The following TTC28 variants were observed in gnomAD, a reference collection of about 807,000 sequenced individuals.
TTC28 encodes the protein tetratricopeptide repeat domain 28.
A neutral mutation model predicts 198.0 loss-of-function variants in TTC28; 61 were observed. The observed-to-expected ratio is 0.31, with a 90% confidence interval of 0.25 to 0.38. The LOEUF is 0.38. Among genes scored for constraint, TTC28 ranks in the 10% least tolerant of loss-of-function variants. TTC28 has a pLI of 1.00. For missense variants in TTC28, 2,678 were observed against 3,164.0 expected (o/e 0.85, Z 3.69); for synonymous variants, 1,171 against 1,297.8 (o/e 0.90, Z 2.10).
At chr22:28,068,813 A>T (rs1381998214) in intron 12 of TTC28, among the ~76,000 whole-genome samples, 2 of 152,170 alleles carry the variant, frequency 1.3e-5, no homozygotes, top group East Asian at 1.9e-4. Flanking sequence ...GTAATGAAGG[A>T]TTTATTTTTT....
chr22:28,570,434 ATTCT>A (rs2050042265), intron 2 of TTC28, among the ~76,000 whole-genome samples: 3 of 152,230 alleles, frequency 2.0e-5, no homozygotes, highest in Non-Finnish European at 2.9e-5. Flanking sequence ...GGAGGCCATC[ATTCT>A]AAGCAGGAAC....
At chr22:28,644,174 C>A (rs573927787) in intron 1 of TTC28, among the ~76,000 whole-genome samples, 3 of 150,706 alleles carry the variant, frequency 2.0e-5, no homozygotes, top group Admixed American at 1.3e-4. Flanking sequence ...CCGAGGCAGG[C>A]GGATCACGAG....
intron 2 of TTC28, among the ~76,000 whole-genome samples, chr22:28,469,070 A>G (rs1191150824): frequency 1.3e-5 from 2 of 152,130 alleles, no homozygotes; most frequent in Non-Finnish European, 2.9e-5. Flanking sequence ...CTCCTCAACG[A>G]CTGTGAAGTC....
At chr22:28,038,647 A>C (rs980046552) in intron 12 of TTC28, among the ~76,000 whole-genome samples, 2 of 152,252 alleles carry the variant, frequency 1.3e-5, no homozygotes, top group African/African-American at 4.8e-5. Flanking sequence ...AGCAATGGCA[A>C]CAAAAGCCAA....
At position 27,983,815 on chromosome 22, in the gene TTC28, C is replaced by A; in HGVS notation, c.5852G>T (p.Ser1951Ile). Residue 1951 changes from serine to isoleucine, a missense_variant, in exon 23 of 23, where the codon AGC becomes ATC. Ser to Ile is a moderately radical substitution (Grantham distance 142). Around this residue, in one of 8 missense-constraint regions of TTC28, gnomAD observed 314 missense variants for 442.7 expected, o/e 0.71. Coordinates refer to ENST00000397906, the MANE Select transcript of TTC28 (RefSeq NM_001145418.2). ...AGCAAGAGACTCGAGGGAGGAGGAG[C>A]TGTCAAGGCTGAGGCGCTTGGGTAG... ...TELPKRLSLDSSSSLESLASA... is the reference protein window; with the variant it reads ...TELPKRLSLDISSSLESLASA... 1.3e-6 allele frequency: 2 copies of A among 1,551,672 alleles called. No individual in the cohort carries two copies. The highest frequency in any genetic ancestry group is 1.7e-6 in the Non-Finnish European group (2 of 1,146,990).
chr22:28,239,659 T>C (rs1448773695), intron 5 of TTC28, among the ~76,000 whole-genome samples: 1 of 152,072 alleles, frequency 6.6e-6, no homozygotes, highest in Non-Finnish European at 1.5e-5. Flanking sequence ...AGGTTATTGC[T>C]CTCATGTAGG....
intron 2 of TTC28, among the ~76,000 whole-genome samples, chr22:28,566,049 G>A (rs947577791): frequency 1.3e-5 from 2 of 152,094 alleles, no homozygotes; most frequent in Non-Finnish European, 2.9e-5. Flanking sequence ...ATATGGTTTG[G>A]GGGGAGGAAT....
At position 28,428,805 on chromosome 22, in the gene TTC28, A is replaced by AT. The variant is rs559682633; in HGVS notation, c.382-122163dup. ...AGGCACCCGCCACCACGCCCGGCTA[A>AT]TTTTTTTTGTATCTTTAGTAGAGGC... On this transcript the variant is annotated intron_variant, in intron 2 of 22. Transcript: ENST00000397906. Among the ~76,000 whole-genome samples the AT allele has an allele frequency of 2.0e-3, 308 of 151,282 alleles. 3 individuals are homozygous for AT. Among genetic ancestry groups the AT allele is most frequent in the African/African-American group, 6.4e-3 (266 of 41,300 alleles).
chr22:28,012,662 C>T (rs1938206891), intron 14 of TTC28, among the ~76,000 whole-genome samples: 2 of 152,114 alleles, frequency 1.3e-5, no homozygotes. Context: ...CAGTTGTGCA[C>T]CATCATGCCT....
At chr22:28,175,593 C>T (rs188575636) in intron 5 of TTC28, among the ~76,000 whole-genome samples, 466 of 151,998 alleles carry the variant, frequency 3.1e-3, no homozygotes, top group Admixed American at 6.2e-3. Context: ...ATTATCCGGG[C>T]ACGGTGGTGC....
intron 13 of TTC28, among the ~76,000 whole-genome samples, chr22:28,029,956 G>A (rs762158038): frequency 2.6e-5 from 4 of 152,190 alleles, no homozygotes; most frequent in Non-Finnish European, 5.9e-5. Context: ...ATGTGAAGAA[G>A]CAGCCAACTA....
chr22:28,305,451 A>C (rs900164988), intron 3 of TTC28, among the ~76,000 whole-genome samples: 1 of 152,200 alleles, frequency 6.6e-6, no homozygotes, highest in Non-Finnish European at 1.5e-5. Flanking sequence ...CCAGAGACCA[A>C]ATGAGTACTG....
chr22:28,591,032 CACACACACAT>C (rs1345247278), intron 2 of TTC28, among the ~76,000 whole-genome samples: 272 of 62,526 alleles, frequency 4.4e-3, no homozygotes, highest in African/African-American at 6.6e-3. Context: ...CACACACACA[CACACACACAT>C]ATATATATAT....
Position 28,542,161 on chromosome 22 carries a change from AT to A in TTC28, c.381+87390del, listed in dbSNP as rs1232543645. 1.2e-4 allele frequency among the ~76,000 whole-genome samples: 19 copies of A among 152,268 alleles called. No homozygotes were observed. The South Asian group carries it at 3.9e-3, about 32-fold the overall frequency. The stretch of plus-strand genomic sequence containing the variant: ...GCCACCATACACCAGCCATAAAAAA[AT>A]TTTTTTAATAAAAAATAAAAATAAA... On this transcript the variant is annotated intron_variant, in intron 2 of 22. Transcript: ENST00000397906.
At chr22:28,314,689 ACCCT>A (rs1400946905) in intron 2 of TTC28, among the ~76,000 whole-genome samples, 8 of 152,132 alleles carry the variant, frequency 5.3e-5, no homozygotes, top group Non-Finnish European at 1.2e-4. Context: ...CTTACCAGCC[ACCCT>A]CCCTATTTCT....
At chr22:28,258,902 AGTGTGTGT>A (rs34572491) in intron 5 of TTC28, among the ~76,000 whole-genome samples, 46 of 147,826 alleles carry the variant, frequency 3.1e-4, no homozygotes, top group African/African-American at 9.9e-4. Flanking sequence ...TTGGTTAAAG[AGTGTGTGT>A]GTGTGTGTGT....
At chr22:28,165,455 G>A (rs2147063981) in intron 5 of TTC28, among the ~76,000 whole-genome samples, 1 of 151,514 alleles carries the variant, frequency 6.6e-6, no homozygotes, top group South Asian at 2.1e-4. Context: ...ACAAAGGGAA[G>A]CCCATCAGAC....
intron 2 of TTC28, among the ~76,000 whole-genome samples, chr22:28,576,302 T>C (rs903481971): frequency 6.6e-6 from 1 of 152,172 alleles, no homozygotes; most frequent in Non-Finnish European, 1.5e-5. Flanking sequence ...CATTTGCATA[T>C]GTTAAACCAT....
At position 28,297,563 on chromosome 22, in the gene TTC28, G is replaced by C. The variant is rs924423939; in HGVS notation, c.802+17C>G. 1 of 1,541,528 alleles carries C rather than the reference G, an allele frequency of 6.5e-7. No individual in the cohort carries two copies. The highest frequency in any genetic ancestry group is 1.4e-5 in the African/African-American group (1 of 72,672). On this transcript the variant is annotated intron_variant, in intron 4 of 22. Transcript: ENST00000397906. ...TTTGTTCCCTTTCTGCACTGAAATA[G>C]AGAAGCATCACTCTACCTAAGGTCT...
Sources: allele counts gnomAD v4.1 joint callset (sites outside exome capture counted in the v4.1 genomes callset), GRCh38; gene constraint gnomAD v4.1.1; regional missense constraint gnomAD v4.1.1; transcripts MANE v1.5; gene names NCBI Gene and HGNC (gene_info 2026-07-23, HGNC 2026-07-21).